The following NRK variants were observed in gnomAD, a reference collection of about 807,000 sequenced individuals.
The protein encoded by NRK is Nik related kinase.
NRK carries 67 observed loss-of-function variants against 125.2 expected under a neutral mutation model. The observed-to-expected ratio is 0.54, with a 90% CI of 0.44 to 0.66. The LOEUF is 0.66. NRK is among the 30% of genes least tolerant of loss of function. The pLI, the probability that NRK is intolerant of heterozygous loss-of-function variation, is 0.00. For missense variants in NRK, 1,224 were observed against 1,192.9 expected (o/e 1.03, Z -0.38); for synonymous variants, 458 against 429.0 (o/e 1.07, Z -0.84).
chrX:105,830,343 A>AAAG (rs1260193613), intron 1 of NRK, among the ~76,000 whole-genome samples: 5 of 101,600 alleles, frequency 4.9e-5, no homozygotes, highest in East Asian at 3.0e-4. Flanking sequence ...AAAAAAAAAA[A>AAAG]AAGAAGAAGA....
At chrX:105,935,099 A>C (rs1384181974) in intron 20 of NRK, 71 bp from the exon 21 acceptor site, 1 of 927,966 alleles carries the variant, frequency 1.1e-6, no homozygotes, top group African/African-American at 2.0e-5. Flanking sequence ...TTCTTTAAAA[A>C]AAAATTCTGT....
intron 14 of NRK, among the ~76,000 whole-genome samples, chrX:105,913,165 C>T (rs771358570): frequency 4.4e-4 from 49 of 111,354 alleles, no homozygotes; most frequent in Non-Finnish European, 6.8e-4. Flanking sequence ...TTGAAGTATA[C>T]GAATAAAAGC....
intron 2 of NRK, among the ~76,000 whole-genome samples, chrX:105,872,849 A>G (rs2039764940): frequency 1.8e-5 from 2 of 110,975 alleles, no homozygotes; most frequent in Non-Finnish European, 3.8e-5. Context: ...GATGCTGACA[A>G]AAACCATCTT....
Position 105,923,435 on chromosome X carries a change from T to C in NRK, c.2928T>C (p.Phe976=). ...CKDHDDDNNK[F]VDDVNNNYYE... ...ACCATGATGATGACAACAATAAGTTTGTTGATGATGTAAATAATAATTATT... is the reference window on the plus strand; with the variant it reads ...ACCATGATGATGACAACAATAAGTTCGTTGATGATGTAAATAATAATTATT... Residue 976 remains phenylalanine, a synonymous_variant, in exon 18 of 29, where the codon TTT becomes TTC. Transcript: ENST00000243300. 2 of 1,146,123 alleles carry C rather than the reference T, an allele frequency of 1.7e-6. No homozygotes were observed. The highest frequency in any genetic ancestry group is 3.3e-5 in the East Asian group (1 of 30,616). 94.5% of individuals were successfully genotyped at this position (1,146,123 alleles called of 1,213,427 possible).
At chrX:105,867,119 A>T (rs2039682624) in intron 2 of NRK, among the ~76,000 whole-genome samples, 2 of 111,867 alleles carry the variant, frequency 1.8e-5, no homozygotes, top group African/African-American at 6.5e-5. Context: ...GGCAGCCTGG[A>T]TGAATATATT....
At chrX:105,835,702 C>T (rs2039255787) in intron 2 of NRK, among the ~76,000 whole-genome samples, 1 of 109,125 alleles carries the variant, frequency 9.2e-6, no homozygotes, top group Admixed American at 9.8e-5. Flanking sequence ...CACTTTGCTG[C>T]CTTTCCCCTA....
chrX:105,950,399 C>A (rs207478719), intron 27 of NRK, among the ~76,000 whole-genome samples: 1 of 110,437 alleles, frequency 9.1e-6, no homozygotes. Context: ...TGACCCCAGA[C>A]GTGATTCTAG....
At chrX:105,954,439 TA>T (rs201527242) in intron 28 of NRK, among the ~76,000 whole-genome samples, 1,843 of 110,953 alleles carry the variant, frequency 0.017, 35 homozygotes, top group African/African-American at 0.058. Flanking sequence ...AATTTTTTCT[TA>T]AAAGATTATT....
chrX:105,847,751 G>A (rs1441092169), intron 2 of NRK, among the ~76,000 whole-genome samples: 6 of 111,915 alleles, frequency 5.4e-5, no homozygotes, highest in African/African-American at 1.6e-4. Flanking sequence ...CAAGTTTAGA[G>A]TATGCAGCTT....
At chrX:105,863,545 C>T (rs893174725) in intron 2 of NRK, among the ~76,000 whole-genome samples, 12 of 111,831 alleles carry the variant, frequency 1.1e-4, no homozygotes, top group Non-Finnish European at 2.3e-4. Flanking sequence ...GATAATATTC[C>T]AAGTTACCAT....
At chrX:105,932,970 G>A (rs1602688425) in intron 19 of NRK, among the ~76,000 whole-genome samples, 1 of 110,975 alleles carries the variant, frequency 9.0e-6, no homozygotes, top group African/African-American at 3.3e-5. Flanking sequence ...AAATAATTAT[G>A]TCTAATCCTT....
intron 2 of NRK, among the ~76,000 whole-genome samples, chrX:105,838,517 C>T (rs1052598151): frequency 1.8e-5 from 2 of 111,143 alleles, no homozygotes; most frequent in Admixed American, 9.6e-5. Context: ...CCTACTCCTA[C>T]GTTACCATTT....
chrX:105,858,203 G>A (rs764020323), intron 2 of NRK, among the ~76,000 whole-genome samples: 2 of 110,936 alleles, frequency 1.8e-5, no homozygotes, highest in South Asian at 7.6e-4. Flanking sequence ...TAAGAATAAA[G>A]TGCCATCTGA....
chrX:105,828,858 A>G (rs1332160763), intron 1 of NRK, among the ~76,000 whole-genome samples: 1 of 112,096 alleles, frequency 8.9e-6, no homozygotes, highest in Non-Finnish European at 1.9e-5. Context: ...AAAAATTATC[A>G]TTTTAGATAA....
intron 1 of NRK, among the ~76,000 whole-genome samples, chrX:105,830,239 G>A (rs1356175494): frequency 1.1e-5 from 1 of 94,755 alleles, no homozygotes; most frequent in African/African-American, 4.2e-5. Context: ...ACTTGAATTC[G>A]GGAGGCAGAG....
At chrX:105,878,329 G>A (rs77665272) in intron 2 of NRK, among the ~76,000 whole-genome samples, 6,276 of 110,325 alleles carry the variant, frequency 0.057, 161 homozygotes, top group East Asian at 0.16. Flanking sequence ...ACAATCCTAC[G>A]AAAAAGAACA....
intron 21 of NRK, among the ~76,000 whole-genome samples, chrX:105,936,567 TTATGCTCATGGAGCACAGG>T (rs1028648513): frequency 1.1e-4 from 12 of 111,995 alleles, no homozygotes; most frequent in African/African-American, 3.9e-4. Context: ...AGTTTTCTCC[TTATGCTCATGGAGCACAGG>T]TATGCTCCAA....
intron 10 of NRK, 46 bp downstream of exon 10, chrX:105,905,389 T>C (rs1365278845): frequency 2.1e-6 from 2 of 932,154 alleles, no homozygotes; most frequent in Non-Finnish European, 3.1e-6. Flanking sequence ...ACTTGACATT[T>C]TTATGTTAGC....
intron 4 of NRK, among the ~76,000 whole-genome samples, chrX:105,884,977 G>A (rs1281952124): frequency 9.0e-6 from 1 of 110,898 alleles, no homozygotes; most frequent in Non-Finnish European, 1.9e-5. Flanking sequence ...TTTTAGTAGA[G>A]ATGGGGTTCC....
Sources: allele counts gnomAD v4.1 joint callset (sites outside exome capture counted in the v4.1 genomes callset), GRCh38; gene constraint gnomAD v4.1.1; transcripts MANE v1.5; gene names NCBI Gene and HGNC (gene_info 2026-07-23, HGNC 2026-07-21).